Variants in AKNAD1 observed in about 807,000 individuals in gnomAD.
The protein encoded by AKNAD1 is AKNA domain containing 1.
Under a neutral mutation model 90.8 loss-of-function variants are expected in AKNAD1, and 67 were observed. That is an observed-to-expected ratio of 0.74 (90% confidence interval 0.61 to 0.90). The LOEUF is 0.90. Among genes scored for constraint, AKNAD1 ranks in the 40% least tolerant of loss-of-function variants. AKNAD1 has a pLI of 0.00. For missense variants in AKNAD1, 957 were observed against 975.4 expected (o/e 0.98, Z 0.25); for synonymous variants, 327 against 341.4 (o/e 0.96, Z 0.46).
At chr1:108,838,639 A>G (rs945661483) in intron 6 of AKNAD1, among the ~76,000 whole-genome samples, 42 of 152,154 alleles carry the variant, frequency 2.8e-4, no homozygotes, top group Admixed American at 2.4e-3. Context: ...AATTTGATCA[A>G]TAAGATAAAA....
chr1:108,826,911 T>C (rs1244372124), intron 11 of AKNAD1, among the ~76,000 whole-genome samples: 2 of 151,166 alleles, frequency 1.3e-5, no homozygotes, highest in Non-Finnish European at 2.9e-5. Context: ...GGCTAATTTT[T>C]GTATTTTTTT....
chr1:108,825,444 G>C (rs930981137), intron 11 of AKNAD1, among the ~76,000 whole-genome samples: 1 of 151,716 alleles, frequency 6.6e-6, no homozygotes, highest in African/African-American at 2.4e-5. Flanking sequence ...TTACAGGGAT[G>C]TTGTGAGAGT....
upstream of AKNAD1, chr1:108,857,411 G>A (rs1041050795): frequency 2.6e-5 from 4 of 153,068 alleles, no homozygotes; most frequent in African/African-American, 9.7e-5. Flanking sequence ...GGAATCTGAT[G>A]GACTCAATTA....
At chr1:108,826,735 TCTTTTTC>T (rs1445025148) in intron 11 of AKNAD1, among the ~76,000 whole-genome samples, 2,966 of 134,454 alleles carry the variant, frequency 0.022, 113 homozygotes, top group African/African-American at 0.065. Context: ...TCTTTTCTTT[TCTTTTTC>T]TTTTTTTTTT....
chr1:108,838,286 C>A (rs1040700880), intron 6 of AKNAD1, among the ~76,000 whole-genome samples: 1 of 151,250 alleles, frequency 6.6e-6, no homozygotes, highest in East Asian at 1.9e-4. Flanking sequence ...TACCTACATT[C>A]TCTTATCACT....
At chr1:108,853,496 G>A (rs1380773134) in intron 1 of AKNAD1, among the ~76,000 whole-genome samples, 1 of 151,542 alleles carries the variant, frequency 6.6e-6, no homozygotes, top group Non-Finnish European at 1.5e-5. Flanking sequence ...TCTAAGCCAT[G>A]TGGCGATGGA....
At chr1:108,827,534 G>T (rs190805172) in intron 10 of AKNAD1, among the ~76,000 whole-genome samples, 2 of 151,660 alleles carry the variant, frequency 1.3e-5, no homozygotes, top group Admixed American at 6.6e-5. Context: ...TACAAGACAG[G>T]CCAGGCGCGG....
rs976834213 is a variant in AKNAD1 at position 108,816,108 on chromosome 1, TG to T, written c.*62del. On this transcript the variant is annotated 3_prime_UTR_variant, in exon 16 of 16. Transcript: ENST00000370001. ...ATTGTGTAGTAAGTAAAATACATTT[TG>T]GGGGAAGATCAAGTTTTCTTTGCAT... 2.0e-5 allele frequency: 29 copies of T among 1,482,878 alleles called. No homozygotes were observed. Among genetic ancestry groups the T allele is most frequent in the Non-Finnish European group, 2.6e-5 (29 of 1,117,570 alleles). The allele number at this position is 1,482,878 out of a possible 1,614,324, so 91.9% of individuals were successfully genotyped here. A position where few individuals can be genotyped will look rare whatever the true frequency, so the allele number is the denominator to read the frequency against.
chr1:108,830,701 C>T, intron 9 of AKNAD1, 51 bp from the exon 10 acceptor site: 1 of 1,583,398 alleles, frequency 6.3e-7, no homozygotes, highest in Non-Finnish European at 8.7e-7. Flanking sequence ...GTGACTCACG[C>T]CGCGGCTGCA....
rs1413951865 is a variant in AKNAD1, at chr1:108,817,167, G to A, written c.2260C>T (p.Gln754Ter). The change falls in exon 15 of 16, where the codon CAG becomes TAG. Residue 754 changes from glutamine (Q) to a stop codon, truncating the protein, a stop_gained. Coordinates refer to ENST00000370001, the MANE Select transcript of AKNAD1 (RefSeq NM_152763.5). LOFTEE classifies it high-confidence loss of function. ...TCTGAGCTGTAGGTCATGAAAGCCT[G>A]AAGTTTTTTTCTGGAAGACAAAAGC... is the stretch of plus-strand genomic sequence containing the variant. Reference protein sequence around the residue: ...HEPTPGKKKLQAFMTYSSDPA... With the variant: ...HEPTPGKKKL The A allele has an allele frequency of 1.9e-6, 3 of 1,613,846 alleles. No homozygotes were observed. The highest frequency in any genetic ancestry group is 3.3e-5 in the Admixed American group (2 of 59,976).
intron 1 of AKNAD1, among the ~76,000 whole-genome samples, chr1:108,855,921 G>A (rs1665022227): frequency 6.8e-6 from 1 of 147,558 alleles, no homozygotes; most frequent in South Asian, 2.1e-4. Context: ...CTATCACCCA[G>A]GCTGGAGTGT....
intron 14 of AKNAD1, among the ~76,000 whole-genome samples, chr1:108,817,637 G>A (rs771391440): frequency 1.3e-5 from 2 of 150,964 alleles, no homozygotes; most frequent in African/African-American, 2.4e-5. Flanking sequence ...GAGTAGCTGG[G>A]ACTACAGGCG....
rs574281100 is a variant in AKNAD1 at position 108,851,926 on chromosome 1, A to AC, written c.738dup (p.Phe247ValfsTer14). 22 of 1,614,212 alleles carry AC rather than the reference A, an allele frequency of 1.4e-5. No individual in the cohort carries two copies. The South Asian group carries it at 2.2e-4, about 16-fold the overall frequency. On this transcript the variant is annotated frameshift_variant, in exon 2 of 16. Coordinates refer to ENST00000370001, the MANE Select transcript of AKNAD1 (RefSeq NM_152763.5). LOFTEE classifies it high-confidence loss of function. ...TGAACTTGACCTTGGCCGTATTTGA[A>AC]CGTGTTGCCTGAATTTGCTTTTTCA...
In AKNAD1 at chr1:108,851,755, C is replaced by T. The variant is rs1206597637; in HGVS notation, c.910G>A (p.Glu304Lys). The T allele has an allele frequency of 1.2e-6, 2 of 1,613,638 alleles. No homozygotes were observed. Among genetic ancestry groups the T allele is most frequent in the Middle Eastern group, 1.7e-4 (1 of 6,058 alleles). ...ACACAGTTTGACTCAGGCGTGGTTT[C>T]TAGACTATCTTGCACAAGAGTGGGT... ...DKPTLVQDSL[E>K]TTPESNCVEK... The change falls in exon 2 of 16, where the codon GAA (glutamate) becomes AAA (lysine). Residue 304 changes from glutamate to lysine, a missense_variant. Glu to Lys is a moderately conservative substitution (Grantham distance 56). Transcript: ENST00000370001.
chr1:108,850,143 A>G (rs1422136633), intron 2 of AKNAD1, among the ~76,000 whole-genome samples: 1 of 152,194 alleles, frequency 6.6e-6, no homozygotes, highest in Non-Finnish European at 1.5e-5. Context: ...GGCTAATTGA[A>G]CAGTTTAAAT....
At chr1:108,851,625 A>T (rs370730156) in intron 2 of AKNAD1, 47 bp downstream of exon 2, 1 of 1,497,468 alleles carries the variant, frequency 6.7e-7, no homozygotes, top group Non-Finnish European at 8.9e-7. Flanking sequence ...TGAAAGAGAT[A>T]AGCAGTGGTC....
intron 11 of AKNAD1, 77 bp from the exon 12 acceptor site, chr1:108,823,765 C>A: frequency 6.2e-7 from 1 of 1,600,912 alleles, no homozygotes; most frequent in Admixed American, 1.7e-5. Context: ...GAGAGCAGAG[C>A]TGTAACTGTG....
At position 108,837,661 on chromosome 1, in the gene AKNAD1, A is replaced by C. The variant is rs747017797; in HGVS notation, c.1425T>G (p.Asp475Glu). ...TGCTTTCATCCATTTTCTCTTTAAC[A>C]TCTTCAAGCAGCATCTCCAATTTGA... The part of the protein sequence containing the change: ...EIFKLEMLLE[D>E]VKEKMDESKY... Residue 475 changes from aspartate to glutamate, a missense_variant, in exon 7 of 16, where the codon GAT (aspartate) becomes GAG (glutamate). Asp to Glu is a conservative substitution (Grantham distance 45). Coordinates refer to ENST00000370001, the MANE Select transcript of AKNAD1 (RefSeq NM_152763.5). 1.2e-6 allele frequency: 2 copies of C among 1,614,198 alleles called. No individual in the cohort carries two copies. The highest frequency in any genetic ancestry group is 4.5e-5 in the East Asian group (2 of 44,876).
intron 14 of AKNAD1, among the ~76,000 whole-genome samples, chr1:108,817,949 C>T (rs969554579): frequency 7.9e-5 from 12 of 152,194 alleles, no homozygotes; most frequent in Non-Finnish European, 1.6e-4. Context: ...AAAGCAGCTC[C>T]TTTTGAAGTA....
Sources: allele counts gnomAD v4.1 joint callset (sites outside exome capture counted in the v4.1 genomes callset), GRCh38; gene constraint gnomAD v4.1.1; transcripts MANE v1.5; gene names NCBI Gene and HGNC (gene_info 2026-07-23, HGNC 2026-07-21).